The following FAM13A variants were observed in gnomAD, a reference collection of about 807,000 sequenced individuals.
FAM13A encodes the protein protein FAM13A.
Under a neutral mutation model 129.6 loss-of-function variants are expected in FAM13A, and 76 were observed. The observed-to-expected ratio is 0.59, with a 90% CI of 0.49 to 0.71. The LOEUF is 0.71. FAM13A is among the 30% of genes least tolerant of loss of function. The probability of loss-of-function intolerance (pLI) is 0.00; values close to 1 mark genes in which losing one functional copy is unlikely to be tolerated. For synonymous variants in FAM13A, 443 were observed against 449.9 expected (o/e 0.98, Z 0.20); for missense variants, 1,108 against 1,249.3 (o/e 0.89, Z 1.70).
At chr4:88,955,385 G>A (rs765289173) in intron 4 of FAM13A, among the ~76,000 whole-genome samples, 10 of 152,266 alleles carry the variant, frequency 6.6e-5, no homozygotes, top group Admixed American at 1.3e-4. Flanking sequence ...CCCCAGCCAT[G>A]TTGAACTGTG....
chr4:88,876,740 T>C lies in FAM13A; in HGVS notation c.844-25557A>G, dbSNP rs189226034. ...CCAAGTAGCTGGGACTACAGGTGCC[T>C]GCCACCACGCCCAGCTAATTTTTTG... On this transcript the variant is annotated intron_variant, in intron 6 of 23. Coordinates refer to ENST00000264344, the MANE Select transcript of FAM13A (RefSeq NM_014883.4). Among the ~76,000 whole-genome samples, 739 of 152,144 alleles carry C rather than the reference T, an allele frequency of 4.9e-3. 6 individuals carry two copies. Among genetic ancestry groups the C allele is most frequent in the African/African-American group, 0.016 (671 of 41,516 alleles).
intron 5 of FAM13A, among the ~76,000 whole-genome samples, chr4:88,915,584 C>T (rs1232818801): frequency 1.3e-5 from 2 of 152,128 alleles, no homozygotes; most frequent in Non-Finnish European, 2.9e-5. Context: ...AATTGCCCTA[C>T]AGAAAATGGC....
At chr4:88,829,916 T>A (rs141588396) in intron 7 of FAM13A, among the ~76,000 whole-genome samples, 32 of 152,302 alleles carry the variant, frequency 2.1e-4, no homozygotes, top group African/African-American at 7.0e-4. Context: ...CAATAGCCCC[T>A]CAAGATAATA....
intron 3 of FAM13A, among the ~76,000 whole-genome samples, chr4:89,006,279 G>C (rs1015115866): frequency 6.6e-6 from 1 of 152,150 alleles, no homozygotes; most frequent in Non-Finnish European, 1.5e-5. Context: ...GCCTTCCAAG[G>C]CAACTCTTAC....
chr4:88,760,848 G>C (rs1744685293), intron 13 of FAM13A, among the ~76,000 whole-genome samples: 1 of 151,900 alleles, frequency 6.6e-6, no homozygotes, highest in Non-Finnish European at 1.5e-5. Context: ...TTGCGGGGGA[G>C]GGGTCGTGGG....
intron 7 of FAM13A, among the ~76,000 whole-genome samples, chr4:88,822,114 T>C (rs1381977018): frequency 6.6e-6 from 1 of 152,208 alleles, no homozygotes; most frequent in Non-Finnish European, 1.5e-5. Flanking sequence ...TCTATAGTTT[T>C]CCTAAATGAA....
At chr4:89,003,382 G>A (rs1043746949) in intron 3 of FAM13A, among the ~76,000 whole-genome samples, 1 of 151,898 alleles carries the variant, frequency 6.6e-6, no homozygotes, top group African/African-American at 2.4e-5. Flanking sequence ...AGGCTGAGGT[G>A]GGCAGATCAC....
intron 3 of FAM13A, among the ~76,000 whole-genome samples, chr4:89,018,420 A>C (rs1362144975): frequency 6.6e-6 from 1 of 152,150 alleles, no homozygotes; most frequent in Admixed American, 6.5e-5. Context: ...GTGAGAAATA[A>C]ATTTCTCTCG....
intron 5 of FAM13A, among the ~76,000 whole-genome samples, chr4:88,913,035 G>C (rs1334944082): frequency 6.6e-6 from 1 of 151,454 alleles, no homozygotes; most frequent in African/African-American, 2.4e-5. Flanking sequence ...AGAAGAAGAA[G>C]AAGAAGTAGT....
At chr4:89,045,782 G>T (rs892632513) in intron 1 of FAM13A, among the ~76,000 whole-genome samples, 9 of 152,152 alleles carry the variant, frequency 5.9e-5, no homozygotes, top group African/African-American at 2.2e-4. Context: ...CTAGCACTTT[G>T]GGAGGCCAAA....
At chr4:89,046,911 T>A (rs957841573) in intron 1 of FAM13A, among the ~76,000 whole-genome samples, 2 of 151,912 alleles carry the variant, frequency 1.3e-5, no homozygotes, top group African/African-American at 2.4e-5. Flanking sequence ...TAAAAATAAA[T>A]TTTTTTAAGT....
At chr4:88,974,654 T>C (rs1394741767) in intron 4 of FAM13A, among the ~76,000 whole-genome samples, 1 of 152,124 alleles carries the variant, frequency 6.6e-6, no homozygotes, top group Admixed American at 6.5e-5. Flanking sequence ...TTTTATATTT[T>C]AAACATAATG....
intron 1 of FAM13A, among the ~76,000 whole-genome samples, chr4:89,032,111 G>A (rs1442523603): frequency 6.6e-6 from 1 of 151,988 alleles, no homozygotes; most frequent in African/African-American, 2.4e-5. Flanking sequence ...GGACATGGTG[G>A]TGGGCACCTG....
chr4:88,942,527 G>A (rs1579397749), intron 4 of FAM13A, among the ~76,000 whole-genome samples: 1 of 151,358 alleles, frequency 6.6e-6, no homozygotes, highest in Non-Finnish European at 1.5e-5. Context: ...AGATCACGCC[G>A]TTGCACTCCA....
At chr4:88,875,878 C>T (rs995134929) in intron 6 of FAM13A, among the ~76,000 whole-genome samples, 5 of 152,148 alleles carry the variant, frequency 3.3e-5, no homozygotes, top group Non-Finnish European at 5.9e-5. Flanking sequence ...ATAGCAAAGA[C>T]TTGAAACCAA....
chr4:89,040,259 G>A (rs1018362111), intron 1 of FAM13A, among the ~76,000 whole-genome samples: 15 of 152,242 alleles, frequency 9.9e-5, no homozygotes, highest in Non-Finnish European at 1.8e-4. Flanking sequence ...AAGAGACAGA[G>A]GGAATGAGTA....
At chr4:88,779,384 G>C (rs1040102515) in intron 11 of FAM13A, among the ~76,000 whole-genome samples, 8 of 152,170 alleles carry the variant, frequency 5.3e-5, no homozygotes, top group African/African-American at 1.9e-4. Flanking sequence ...GTAACATTCA[G>C]GATGTCGTCT....
chr4:89,018,136 A>G (rs1018999558), intron 3 of FAM13A, among the ~76,000 whole-genome samples: 1 of 152,186 alleles, frequency 6.6e-6, no homozygotes, highest in African/African-American at 2.4e-5. Context: ...TCCAAAATTC[A>G]TATGTTGAAG....
chr4:88,810,615 C>T (rs987185296), intron 7 of FAM13A, among the ~76,000 whole-genome samples: 1 of 152,104 alleles, frequency 6.6e-6, no homozygotes, highest in Non-Finnish European at 1.5e-5. Flanking sequence ...TTCAATCTTA[C>T]TTACACAAAG....
Sources: allele counts gnomAD v4.1 joint callset (sites outside exome capture counted in the v4.1 genomes callset), GRCh38; gene constraint gnomAD v4.1.1; transcripts MANE v1.5; gene names NCBI Gene and HGNC (gene_info 2026-07-23, HGNC 2026-07-21).